VOPP1: variants seen among roughly 807,000 people sequenced by gnomAD.
VOPP1 encodes WW domain binding protein VOPP1.
VOPP1 carries 8 observed loss-of-function variants against 23.5 expected under a neutral mutation model. The ratio of observed to expected loss-of-function variants is 0.34; its 90% CI spans 0.20 to 0.61. The LOEUF (loss-of-function observed/expected upper bound fraction) is 0.61. VOPP1 is among the 20% of genes least tolerant of loss of function. VOPP1 has a pLI of 0.78. For missense variants in VOPP1, 174 were observed against 238.1 expected (o/e 0.73, Z 1.77); for synonymous variants, 83 against 97.3 (o/e 0.85, Z 0.86).
At chr7:55,469,478 T>TA (rs940472364), downstream of VOPP1, among the ~76,000 whole-genome samples, 4 of 152,118 alleles carry the variant, frequency 2.6e-5, no homozygotes, top group Admixed American at 6.5e-5. Context: ...CAAAATATAT[T>TA]AAAAAAATCA....
At chr7:55,455,771 T>C (rs1203134142) in intron 4 of VOPP1, among the ~76,000 whole-genome samples, 2 of 152,194 alleles carry the variant, frequency 1.3e-5, no homozygotes, top group Non-Finnish European at 2.9e-5. Context: ...TGAAACTGGG[T>C]CCTTTCCTTA....
intron 1 of VOPP1, among the ~76,000 whole-genome samples, chr7:55,541,697 G>T (rs1797139368): frequency 6.6e-6 from 1 of 152,208 alleles, no homozygotes. Flanking sequence ...AAAAAGTGGA[G>T]ACAATCCAAA....
intron 4 of VOPP1, among the ~76,000 whole-genome samples, chr7:55,476,048 C>T (rs867727196): frequency 2.8e-4 from 42 of 152,096 alleles, no homozygotes; most frequent in African/African-American, 9.2e-4. Flanking sequence ...GAAGTTCAGG[C>T]AAGGGTGGGA....
intron 4 of VOPP1, among the ~76,000 whole-genome samples, chr7:55,445,216 G>GACAC (rs145051208): frequency 6.8e-5 from 7 of 102,408 alleles, no homozygotes; most frequent in African/African-American, 2.4e-4. Context: ...CACACACACA[G>GACAC]ACACACACAC....
intron 4 of VOPP1, among the ~76,000 whole-genome samples, chr7:55,480,142 A>C (rs1284008491): frequency 3.3e-5 from 5 of 152,228 alleles, no homozygotes; most frequent in Non-Finnish European, 5.9e-5. Flanking sequence ...ATGAATACGT[A>C]GCATTCCTAT....
intron 4 of VOPP1, among the ~76,000 whole-genome samples, chr7:55,485,342 A>C (rs1793055500): frequency 6.6e-6 from 1 of 152,256 alleles, no homozygotes; most frequent in Non-Finnish European, 1.5e-5. Flanking sequence ...ATCCTTCAAA[A>C]GTATTTTCCC....
At chr7:55,541,059 G>T (rs889615618) in intron 1 of VOPP1, among the ~76,000 whole-genome samples, 1 of 152,148 alleles carries the variant, frequency 6.6e-6, no homozygotes, top group Non-Finnish European at 1.5e-5. Flanking sequence ...TAGCTGATAA[G>T]GAACGTATTT....
intron 2 of VOPP1, among the ~76,000 whole-genome samples, chr7:55,516,791 C>T (rs1795438343): frequency 6.6e-6 from 1 of 151,622 alleles, no homozygotes; most frequent in Non-Finnish European, 1.5e-5. Flanking sequence ...TAGGACACCA[C>T]CTTGAGTCAA....
chr7:55,498,843 C>A (rs1449703269), intron 2 of VOPP1, among the ~76,000 whole-genome samples: 3 of 152,004 alleles, frequency 2.0e-5, no homozygotes, highest in Non-Finnish European at 4.4e-5. Flanking sequence ...CTCAGCAGAC[C>A]CAAGCTCCAA....
At chr7:55,497,041 C>T (rs541722544) in intron 3 of VOPP1, among the ~76,000 whole-genome samples, 51 of 152,352 alleles carry the variant, frequency 3.3e-4, no homozygotes, top group South Asian at 1.7e-3. Context: ...CTGAGGCTCC[C>T]GCCCACAGGA....
intron 2 of VOPP1, among the ~76,000 whole-genome samples, chr7:55,515,402 G>A (rs779162773): frequency 3.3e-5 from 5 of 152,150 alleles, no homozygotes; most frequent in Non-Finnish European, 7.3e-5. Flanking sequence ...CTGCAGCAGA[G>A]GTCCCCAGGT....
chr7:55,523,588 T>C (rs117388147), intron 1 of VOPP1, among the ~76,000 whole-genome samples: 1,659 of 152,310 alleles, frequency 0.011, 11 homozygotes, highest in Middle Eastern at 0.02. Context: ...CAGTGAGAGC[T>C]TGCACACCAA....
At chr7:55,531,056 T>TA (rs1796469964) in intron 1 of VOPP1, 1 of 152,254 alleles carries the variant, frequency 6.6e-6, no homozygotes, top group Admixed American at 6.5e-5. Context: ...CAAAAATACT[T>TA]AGAGGTGCCA....
intron 2 of VOPP1, among the ~76,000 whole-genome samples, chr7:55,501,684 T>C (rs750929080): frequency 1.6e-4 from 24 of 152,168 alleles, no homozygotes; most frequent in Non-Finnish European, 2.4e-4. Flanking sequence ...CCCTCTCAAA[T>C]TGGACACTCA....
At chr7:55,442,215 G>A (rs780058872) in intron 4 of VOPP1, among the ~76,000 whole-genome samples, 176 of 152,316 alleles carry the variant, frequency 1.2e-3, no homozygotes, top group Admixed American at 2.5e-3. Context: ...CACAGCTAGA[G>A]AGTTGCGGGG....
downstream of VOPP1, among the ~76,000 whole-genome samples, chr7:55,465,998 G>T (rs755957861): frequency 1.3e-5 from 2 of 152,154 alleles, no homozygotes; most frequent in Non-Finnish European, 2.9e-5. Context: ...GGGCCCTTTG[G>T]GAAATGAAGT....
At chr7:55,441,596 CT>C (rs545439614) in intron 4 of VOPP1, among the ~76,000 whole-genome samples, 32 of 147,762 alleles carry the variant, frequency 2.2e-4, no homozygotes, top group African/African-American at 7.8e-4. Flanking sequence ...ATACATGCCA[CT>C]TTTAGATTAA....
intron 2 of VOPP1, among the ~76,000 whole-genome samples, chr7:55,509,629 T>C (rs1158365444): frequency 1.3e-5 from 2 of 152,218 alleles, no homozygotes; most frequent in Non-Finnish European, 2.9e-5. Context: ...CTCAGAACTC[T>C]TAAGTCTACA....
At chr7:55,483,832 T>C (rs1792925424) in intron 4 of VOPP1, among the ~76,000 whole-genome samples, 2 of 152,222 alleles carry the variant, frequency 1.3e-5, no homozygotes, top group Non-Finnish European at 2.9e-5. Context: ...GATCAGATCA[T>C]TGCAACCTCC....
Sources: gnomAD v4.1 joint callset for allele counts (sites outside exome capture counted in the v4.1 genomes callset) on GRCh38, gnomAD v4.1.1 for gene constraint, MANE v1.5 for transcripts, NCBI Gene and HGNC (gene_info 2026-07-23, HGNC 2026-07-21) for gene names.